The following KCNIP4 variants were observed in gnomAD, a reference collection of about 807,000 sequenced individuals.
The protein encoded by KCNIP4 is Kv channel-interacting protein 4.
KCNIP4 carries 12 observed loss-of-function variants against 34.0 expected under a neutral mutation model. The observed-to-expected ratio is 0.35, with a 90% CI of 0.23 to 0.57. The LOEUF (loss-of-function observed/expected upper bound fraction) is 0.57, where lower values mean the gene tolerates loss of function less well. Among genes scored for constraint, KCNIP4 ranks in the 20% least tolerant of loss-of-function variants. The pLI, the probability that KCNIP4 is intolerant of heterozygous loss-of-function variation, is 0.83. For synonymous variants in KCNIP4, 124 were observed against 102.2 expected (o/e 1.21, Z -1.29); for missense variants, 238 against 311.7 (o/e 0.76, Z 1.78).
chr4:21,812,172 A>T (rs993106659), intron 1 of KCNIP4, among the ~76,000 whole-genome samples: 10 of 152,238 alleles, frequency 6.6e-5, no homozygotes, highest in Admixed American at 3.3e-4. Flanking sequence ...TTTATTTTAG[A>T]TTATCATCAT....
intron 1 of KCNIP4, among the ~76,000 whole-genome samples, chr4:21,825,463 C>G (rs989218115): frequency 6.6e-6 from 1 of 152,096 alleles, no homozygotes; most frequent in Admixed American, 6.6e-5. Context: ...AAATTTCCAT[C>G]ATAATGCTTG....
At chr4:21,443,240 T>C (rs931535818) in intron 1 of KCNIP4, among the ~76,000 whole-genome samples, 5 of 152,166 alleles carry the variant, frequency 3.3e-5, no homozygotes, top group African/African-American at 9.7e-5. Context: ...GAGCCTCCAC[T>C]AGCTTCTCAT....
At chr4:21,315,537 T>TG (rs1321360640) in intron 1 of KCNIP4, among the ~76,000 whole-genome samples, 6 of 152,144 alleles carry the variant, frequency 3.9e-5, no homozygotes, top group Non-Finnish European at 5.9e-5. Context: ...TTTTCAACTG[T>TG]GGGGGGGCCA....
intron 1 of KCNIP4, among the ~76,000 whole-genome samples, chr4:21,014,362 G>A (rs978321797): frequency 2.0e-5 from 3 of 152,004 alleles, no homozygotes; most frequent in African/African-American, 7.3e-5. Flanking sequence ...CACTATTCAT[G>A]GATGAGTCTC....
chr4:21,623,292 G>C (rs1745108377), intron 1 of KCNIP4, among the ~76,000 whole-genome samples: 1 of 152,122 alleles, frequency 6.6e-6, no homozygotes, highest in Non-Finnish European at 1.5e-5. Context: ...CTAGTGACTG[G>C]TATCATGCTA....
In KCNIP4 at chr4:20,945,236, G is replaced by A. The variant is rs114056408; in HGVS notation, c.62-62527C>T. Among the ~76,000 whole-genome samples, 212 of 152,314 alleles carry A rather than the reference G, an allele frequency of 1.4e-3. 1 individual carries two copies. The highest frequency in any genetic ancestry group is 4.5e-3 in the African/African-American group (188 of 41,566). On this transcript the variant is annotated intron_variant, in intron 1 of 8. Transcript: ENST00000382152. ...AATCTAACAAGAATCCAGGTGACTT[G>A]TGAACACACTGAAGTTTGCAAAGTA...
chr4:21,344,266 G>A (rs1240415506), intron 1 of KCNIP4, among the ~76,000 whole-genome samples: 3 of 152,104 alleles, frequency 2.0e-5, no homozygotes, highest in Non-Finnish European at 4.4e-5. Context: ...TGAGAGAAAC[G>A]TTAAGTTGCC....
intron 1 of KCNIP4, among the ~76,000 whole-genome samples, chr4:21,383,658 A>T (rs1721747751): frequency 6.6e-6 from 1 of 152,140 alleles, no homozygotes; most frequent in Non-Finnish European, 1.5e-5. Flanking sequence ...AAATAGATTT[A>T]TCTATTACAT....
intron 1 of KCNIP4, among the ~76,000 whole-genome samples, chr4:21,815,195 T>C (rs1376155904): frequency 2.0e-5 from 3 of 152,178 alleles, no homozygotes; most frequent in Non-Finnish European, 4.4e-5. Flanking sequence ...TAGATGATCT[T>C]GGGCAAGTTA....
intron 1 of KCNIP4, among the ~76,000 whole-genome samples, chr4:21,010,072 G>T (rs142476117): frequency 1.8e-3 from 276 of 152,220 alleles, no homozygotes; most frequent in African/African-American, 6.4e-3. Flanking sequence ...ACTTCCCAAA[G>T]GACTCTTCTT....
chr4:21,900,905 T>G (rs563412713), intron 1 of KCNIP4, among the ~76,000 whole-genome samples: 1 of 152,306 alleles, frequency 6.6e-6, no homozygotes, highest in African/African-American at 2.4e-5. Context: ...GTACCATAAA[T>G]AGCTCATTTC....
chr4:20,895,869 T>C (rs372948695), intron 1 of KCNIP4, among the ~76,000 whole-genome samples: 3 of 152,230 alleles, frequency 2.0e-5, no homozygotes, highest in Admixed American at 1.3e-4. Flanking sequence ...AGGCCAAACC[T>C]GAGAACCACT....
chr4:21,323,063 A>C (rs1285729340), intron 1 of KCNIP4, among the ~76,000 whole-genome samples: 1 of 151,520 alleles, frequency 6.6e-6, no homozygotes, highest in African/African-American at 2.4e-5. Flanking sequence ...GAATTGATGA[A>C]GTGTTGCCAA....
chr4:21,386,003 G>GA (rs1221380979), intron 1 of KCNIP4, among the ~76,000 whole-genome samples: 1 of 152,040 alleles, frequency 6.6e-6, no homozygotes, highest in Non-Finnish European at 1.5e-5. Flanking sequence ...ATCAATCAAG[G>GA]AAAAAATATC....
intron 1 of KCNIP4, among the ~76,000 whole-genome samples, chr4:21,670,141 C>A (rs538004810): frequency 6.6e-5 from 10 of 152,036 alleles, no homozygotes; most frequent in African/African-American, 1.9e-4. Context: ...GAAAAAGGCA[C>A]ATATCTGAAA....
chr4:21,747,593 G>A (rs559430749), intron 1 of KCNIP4, among the ~76,000 whole-genome samples: 1 of 152,246 alleles, frequency 6.6e-6, no homozygotes, highest in South Asian at 2.1e-4. Context: ...CTTGGAGTTT[G>A]TGAGGAGCTC....
chr4:21,152,064 C>A (rs1465508190), intron 1 of KCNIP4, among the ~76,000 whole-genome samples: 2 of 152,038 alleles, frequency 1.3e-5, no homozygotes, highest in African/African-American at 2.4e-5. Context: ...ACCAGCCTGA[C>A]CAACATGGTG....
chr4:21,406,560 T>C (rs533305453), intron 1 of KCNIP4, among the ~76,000 whole-genome samples: 2 of 152,286 alleles, frequency 1.3e-5, no homozygotes, highest in African/African-American at 4.8e-5. Context: ...TAATATTCTT[T>C]GTGACAAAAT....
At chr4:21,902,047 A>G (rs1351715482) in intron 1 of KCNIP4, among the ~76,000 whole-genome samples, 1 of 152,200 alleles carries the variant, frequency 6.6e-6, no homozygotes, top group Non-Finnish European at 1.5e-5. Context: ...CCAAGTCATC[A>G]GCTATATTAC....
Sources: allele counts gnomAD v4.1 joint callset (sites outside exome capture counted in the v4.1 genomes callset), GRCh38; gene constraint gnomAD v4.1.1; transcripts MANE v1.5; gene names NCBI Gene and HGNC (gene_info 2026-07-23, HGNC 2026-07-21).